The following UBE3D variants were observed in gnomAD, a reference collection of about 807,000 sequenced individuals.
UBE3D encodes E3 ubiquitin-protein ligase E3D.
UBE3D carries 48 observed loss-of-function variants against 49.6 expected under a neutral mutation model. The ratio of observed to expected loss-of-function variants is 0.97; its 90% CI spans 0.77 to 1.23. UBE3D has a LOEUF of 1.23. UBE3D is among the 50% of genes most tolerant of loss of function. The pLI is 0.00. For synonymous variants in UBE3D, 189 were observed against 174.2 expected, an observed-to-expected ratio of 1.08 and a Z score of -0.67; for missense variants, 452 against 468.4, an observed-to-expected ratio of 0.96 and a Z score of 0.32.
At chr6:82,926,725 A>G (rs1773778679) in intron 9 of UBE3D, among the ~76,000 whole-genome samples, 2 of 152,084 alleles carry the variant, frequency 1.3e-5, no homozygotes, top group Admixed American at 1.3e-4. Context: ...TGCTCCCTGT[A>G]TATCTTCTTT....
chr6:82,907,154 T>C (rs1257461049), intron 9 of UBE3D, among the ~76,000 whole-genome samples: 3 of 152,150 alleles, frequency 2.0e-5, no homozygotes, highest in Non-Finnish European at 2.9e-5. Flanking sequence ...ATTATAAAAG[T>C]GACTCACTGC....
At chr6:83,050,679 A>G (rs1425619816) in intron 3 of UBE3D, among the ~76,000 whole-genome samples, 2 of 152,214 alleles carry the variant, frequency 1.3e-5, no homozygotes, top group Non-Finnish European at 2.9e-5. Context: ...ACTGCGGGAG[A>G]AATAAGAAGA....
intron 9 of UBE3D, among the ~76,000 whole-genome samples, chr6:82,910,180 T>C (rs1274697870): frequency 6.6e-6 from 1 of 152,094 alleles, no homozygotes; most frequent in Non-Finnish European, 1.5e-5. Context: ...TGACGACACT[T>C]TGTGCTTTAG....
At chr6:83,052,470 G>A (rs561399129) in intron 3 of UBE3D, among the ~76,000 whole-genome samples, 2 of 152,284 alleles carry the variant, frequency 1.3e-5, no homozygotes, top group East Asian at 1.9e-4. Context: ...TGTCCCGTCA[G>A]CTGAATTCTG....
chr6:83,032,107 T>A, intron 5 of UBE3D: 1 of 443,574 alleles, frequency 2.3e-6, no homozygotes, highest in South Asian at 1.6e-5. Context: ...TGGCACTGCC[T>A]GGTGGAGCTG....
At chr6:82,970,045 A>G (rs1447203360) in intron 8 of UBE3D, among the ~76,000 whole-genome samples, 9 of 149,244 alleles carry the variant, frequency 6.0e-5, no homozygotes, top group Non-Finnish European at 1.3e-4. Context: ...GTGTTTACTC[A>G]TAGTCATATA....
At chr6:83,041,920 T>A (rs1782697846) in intron 4 of UBE3D, among the ~76,000 whole-genome samples, 1 of 150,206 alleles carries the variant, frequency 6.7e-6, no homozygotes, top group Non-Finnish European at 1.5e-5. Context: ...ATTATATAAT[T>A]TTTTTTTTTA....
intron 8 of UBE3D, among the ~76,000 whole-genome samples, chr6:82,968,341 T>A (rs900505378): frequency 7.3e-6 from 1 of 137,044 alleles, no homozygotes; most frequent in African/African-American, 2.7e-5. Flanking sequence ...CCATCACTGA[T>A]CTCTCACTAT....
At chr6:82,942,510 C>T (rs1215737811) in intron 9 of UBE3D, among the ~76,000 whole-genome samples, 1 of 152,240 alleles carries the variant, frequency 6.6e-6, no homozygotes, top group Non-Finnish European at 1.5e-5. Flanking sequence ...CCTCCCATCA[C>T]AGGCCCAGAG....
chr6:83,051,275 T>C (rs925567806), intron 3 of UBE3D, among the ~76,000 whole-genome samples: 1 of 152,176 alleles, frequency 6.6e-6, no homozygotes, highest in Non-Finnish European at 1.5e-5. Flanking sequence ...CAGGTCCCCA[T>C]TCTCCTGCTC....
intron 2 of UBE3D, among the ~76,000 whole-genome samples, chr6:83,054,655 ATT>A (rs558524870): frequency 6.9e-6 from 1 of 145,714 alleles, no homozygotes; most frequent in African/African-American, 2.5e-5. Flanking sequence ...TTTGAGTTTA[ATT>A]TTTTTTTTTT....
chr6:83,043,565 T>C (rs530561552), intron 4 of UBE3D, among the ~76,000 whole-genome samples: 35 of 152,330 alleles, frequency 2.3e-4, no homozygotes, highest in African/African-American at 7.7e-4. Flanking sequence ...AGAATAGTTC[T>C]ATAAACTAAT....
chr6:82,945,529 G>A (rs1319848239), intron 9 of UBE3D, among the ~76,000 whole-genome samples: 1 of 152,096 alleles, frequency 6.6e-6, no homozygotes, highest in East Asian at 1.9e-4. Flanking sequence ...TTCCCAAGAA[G>A]GACAGGTAAA....
chr6:83,060,378 A>G (rs1784098754), intron 1 of UBE3D, among the ~76,000 whole-genome samples: 1 of 152,168 alleles, frequency 6.6e-6, no homozygotes, highest in South Asian at 2.1e-4. Context: ...ACTAGAATAG[A>G]CCCTATGGTG....
intron 9 of UBE3D, among the ~76,000 whole-genome samples, chr6:82,943,256 C>G (rs1775148324): frequency 6.6e-6 from 1 of 152,014 alleles, no homozygotes; most frequent in African/African-American, 2.4e-5. Context: ...AACTGACTTG[C>G]TTTTTTTTAG....
intron 9 of UBE3D, among the ~76,000 whole-genome samples, chr6:82,939,420 T>A (rs1171188106): frequency 6.6e-6 from 1 of 152,260 alleles, no homozygotes; most frequent in Non-Finnish European, 1.5e-5. Context: ...CATAATGATG[T>A]CTGATCAACA....
chr6:83,020,604 C>A (rs1179698642), intron 7 of UBE3D, among the ~76,000 whole-genome samples: 1 of 152,152 alleles, frequency 6.6e-6, no homozygotes, highest in Non-Finnish European at 1.5e-5. Flanking sequence ...TACTCCCGAT[C>A]TTCAATCTGA....
rs146610333 is a variant in UBE3D, at chr6:83,065,663, T to C, written c.56A>G (p.Gln19Arg). 2.6e-4 allele frequency: 416 copies of C among 1,613,918 alleles called. No individual in the cohort carries two copies. The highest frequency in any genetic ancestry group is 8.5e-4 in the Admixed American group (51 of 60,018). ...TTACCCCAGGATCAGAAGCGCGCTC[T>C]GCAGCTGTCCCCGCACCTCCAGAAA... The part of the protein sequence containing the change: ...RVFLEVRGQL[Q>R]SALLILGEPK... Residue 19 changes from glutamine (Q) to arginine (R), a missense_variant, in exon 1 of 10, where the codon CAG becomes CGG. By Grantham distance (43) the Gln-to-Arg change is conservative. Coordinates refer to ENST00000369747, the MANE Select transcript of UBE3D (RefSeq NM_198920.3).
chr6:82,961,850 T>C (rs1776574984), intron 8 of UBE3D, among the ~76,000 whole-genome samples: 1 of 151,834 alleles, frequency 6.6e-6, no homozygotes, highest in Non-Finnish European at 1.5e-5. Context: ...TAATCCCAGC[T>C]ACTCGGGAGG....
Sources: allele counts gnomAD v4.1 joint callset (sites outside exome capture counted in the v4.1 genomes callset), GRCh38; gene constraint gnomAD v4.1.1; transcripts MANE v1.5; gene names NCBI Gene and HGNC (gene_info 2026-07-23, HGNC 2026-07-21).